The following MYO5C variants were observed in gnomAD, a reference collection of about 807,000 sequenced individuals.
MYO5C encodes myosin VC.
A neutral mutation model predicts 235.7 loss-of-function variants in MYO5C; 194 were observed. The ratio of observed to expected loss-of-function variants is 0.82; its 90% confidence interval spans 0.73 to 0.93. The LOEUF is 0.93. Among genes scored for constraint, MYO5C ranks in the 40% least tolerant of loss-of-function variants. The probability of loss-of-function intolerance (pLI) is 0.00; values close to 1 mark genes in which losing one functional copy is unlikely to be tolerated. For missense variants in MYO5C, 2,038 were observed against 2,127.2 expected (o/e 0.96, Z 0.82); for synonymous variants, 707 against 754.8 (o/e 0.94, Z 1.04).
chr15:52,233,965 A>G (rs1360673723), intron 23 of MYO5C, among the ~76,000 whole-genome samples: 1 of 152,232 alleles, frequency 6.6e-6, no homozygotes, highest in Admixed American at 6.5e-5. Flanking sequence ...CATAGTGCCA[A>G]ATGTTTCTGA....
At chr15:52,266,371 AG>A (rs2036811814) in intron 8 of MYO5C, among the ~76,000 whole-genome samples, 1 of 152,192 alleles carries the variant, frequency 6.6e-6, no homozygotes, top group Non-Finnish European at 1.5e-5. Context: ...CTCAAATGGC[AG>A]GGGTCAGTGG....
At chr15:52,281,410 AG>A in intron 2 of MYO5C, among the ~76,000 whole-genome samples, 1 of 152,362 alleles carries the variant, frequency 6.6e-6, no homozygotes, top group Admixed American at 6.5e-5. Flanking sequence ...ATATTACCAA[AG>A]CAGCAAACTG....
At chr15:52,198,768 G>T (rs1019163599) in intron 38 of MYO5C, among the ~76,000 whole-genome samples, 1 of 152,072 alleles carries the variant, frequency 6.6e-6, no homozygotes, top group Admixed American at 6.6e-5. Context: ...TTTTAGTAGA[G>T]ATGGGGTTTC....
In MYO5C at chr15:52,213,256, T is replaced by C. The variant is rs770142692; in HGVS notation, c.4073A>G (p.Lys1358Arg). ...GTATTGCAGCATTCCAAGGTACTCCTTGGGTCCTGAGGACGAGTGCACATC... is the reference window on the plus strand; with the variant it reads ...GTATTGCAGCATTCCAAGGTACTCCCTGGGTCCTGAGGACGAGTGCACATC... Reference protein sequence around the residue: ...ANDVHSSSGPKEYLGMLQYKR... With the variant: ...ANDVHSSSGPREYLGMLQYKR... Residue 1358 changes from lysine to arginine, a missense_variant, in exon 34 of 41, where the codon AAG (lysine) becomes AGG (arginine). Physicochemically the swap from Lys to Arg is conservative, Grantham distance 26. Transcript: ENST00000261839. The C allele has an allele frequency of 1.2e-6, 2 of 1,614,050 alleles. No individual in the cohort carries two copies. The highest frequency in any genetic ancestry group is 1.1e-5 in the South Asian group (1 of 91,078).
At chr15:52,244,069 A>G (rs1256301469) in intron 19 of MYO5C, among the ~76,000 whole-genome samples, 2 of 152,118 alleles carry the variant, frequency 1.3e-5, no homozygotes, top group East Asian at 1.9e-4. Flanking sequence ...CCTCTCCCTG[A>G]GCTTCCGGAA....
At chr15:52,219,929 C>T (rs541543678) in intron 30 of MYO5C, 107 bp from the exon 31 acceptor site, 38 of 772,552 alleles carry the variant, frequency 4.9e-5, no homozygotes, top group African/African-American at 1.6e-4. Flanking sequence ...TAGGGGTGTC[C>T]GATCTTTTGG....
Position 52,295,676 on chromosome 15 carries a change from T to TTCG in MYO5C, c.-41_-40insCGA. On this transcript the variant is annotated 5_prime_UTR_variant, in exon 1 of 41. Coordinates refer to ENST00000261839, the MANE Select transcript of MYO5C (RefSeq NM_018728.4). Reference sequence around the variant, plus strand: ...GGGGCCAGGCCGGGGCTGCCGAACGTGCGAGGCTCGGGGGCTGGGCCTGCG... The same window carrying TTCG: ...GGGGCCAGGCCGGGGCTGCCGAACGTTCGGCGAGGCTCGGGGGCTGGGCCTGCG... 7.3e-7 allele frequency: 1 copy of TTCG among 1,372,006 alleles called. No individual in the cohort carries two copies. The highest frequency in any genetic ancestry group is 9.5e-7 in the Non-Finnish European group (1 of 1,055,768). The allele number at this position is 1,372,006 out of a possible 1,614,324, so 85.0% of individuals were successfully genotyped here. A position where few individuals can be genotyped will look rare whatever the true frequency, so the allele number is the denominator to read the frequency against.
At chr15:52,206,876 G>A (rs1453679383) in intron 36 of MYO5C, among the ~76,000 whole-genome samples, 1 of 152,240 alleles carries the variant, frequency 6.6e-6, no homozygotes, top group Non-Finnish European at 1.5e-5. Flanking sequence ...GCTTACGCCT[G>A]TAATCCAGCA....
At chr15:52,291,743 T>TTTTGTTTTGTTTTG (rs1485132477) in intron 1 of MYO5C, among the ~76,000 whole-genome samples, 16 of 93,860 alleles carry the variant, frequency 1.7e-4, no homozygotes, top group East Asian at 6.7e-4. Context: ...TTTTTTTTTT[T>TTTTGTTTTGTTTTG]TTTTTTTTTT....
rs774715357 is a variant in MYO5C at position 52,195,470 on chromosome 15, C to T, written c.4996-13G>A. The T allele has an allele frequency of 6.6e-5, 105 of 1,580,242 alleles. 5 individuals carry two copies. The South Asian group carries it at 1.1e-3, about 17-fold the overall frequency. On this transcript the variant is annotated splice_polypyrimidine_tract_variant and intron_variant, in intron 39 of 40. Transcript: ENST00000261839. ...GGATCTTTATGATCTGCAAACGGTACATAACATGGTGTTAGACCATGCAAA... is the reference window on the plus strand; with the variant it reads ...GGATCTTTATGATCTGCAAACGGTATATAACATGGTGTTAGACCATGCAAA...
chr15:52,256,026 T>C (rs1566981739), intron 11 of MYO5C, among the ~76,000 whole-genome samples: 2 of 152,220 alleles, frequency 1.3e-5, no homozygotes, highest in Non-Finnish European at 2.9e-5. Context: ...GGCCATCTGC[T>C]GTTTAGTGCT....
At chr15:52,276,174 G>A (rs2037046313) in intron 4 of MYO5C, among the ~76,000 whole-genome samples, 1 of 152,080 alleles carries the variant, frequency 6.6e-6, no homozygotes, top group Admixed American at 6.6e-5. Flanking sequence ...CCATGTTGAG[G>A]GGCCCCAAGA....
At position 52,195,962 on chromosome 15, in the gene MYO5C, CT is replaced by C. The variant is rs71130140; in HGVS notation, c.4995+346del. Among the ~76,000 whole-genome samples, 353 of 80,860 alleles carry C rather than the reference CT, an allele frequency of 4.4e-3. 1 individual carries two copies. The highest frequency in any genetic ancestry group is 0.021 in the African/African-American group (314 of 15,240). The allele number at this position is 80,860 out of a possible 152,430, so 53.0% of individuals were successfully genotyped here. A position where few individuals can be genotyped will look rare whatever the true frequency, so the allele number is the denominator to read the frequency against. ...CAAAGGTGTGTGCCATCACACCCAGCTTTTTTTTTTTTTTTTTTTTTTTTTT... is the reference window on the plus strand; with the variant it reads ...CAAAGGTGTGTGCCATCACACCCAGCTTTTTTTTTTTTTTTTTTTTTTTTT... On this transcript the variant is annotated intron_variant, in intron 39 of 40. Coordinates refer to ENST00000261839, the MANE Select transcript of MYO5C (RefSeq NM_018728.4).
At chr15:52,244,124 C>T (rs1303337088) in intron 19 of MYO5C, among the ~76,000 whole-genome samples, 1 of 152,164 alleles carries the variant, frequency 6.6e-6, no homozygotes, top group Admixed American at 6.5e-5. Flanking sequence ...TTCCTCCCTG[C>T]AGGGCCCTGG....
intron 25 of MYO5C, among the ~76,000 whole-genome samples, chr15:52,227,538 T>C (rs1170095556): frequency 6.6e-6 from 1 of 151,970 alleles, no homozygotes; most frequent in African/African-American, 2.4e-5. Context: ...TGAACCAGTC[T>C]TAGCTACCAA....
chr15:52,232,106 AAAGAAAAGAAAGAAAG>A (rs2035963436), intron 24 of MYO5C, among the ~76,000 whole-genome samples: 1 of 151,584 alleles, frequency 6.6e-6, no homozygotes, highest in Non-Finnish European at 1.5e-5. Context: ...AGTAAAAAAA[AAAGAAAAGAAAGAAAG>A]AGAAAAGAAA....
rs2036333424 is a variant in MYO5C at position 52,245,982 on chromosome 15, G to T, written c.2040C>A (p.Arg680=). ...TGGAAGGGTAGCTCTGTGCACTAAT[G>T]CGAATCGTTTCTAAAACGCCGCAGG... ...LRACGVLETI[R]ISAQSYPSRW... is the part of the protein sequence containing the mutation. The change falls in exon 17 of 41, where the codon CGC becomes CGA. Residue 680 remains arginine (R), a synonymous_variant. Coordinates refer to ENST00000261839, the MANE Select transcript of MYO5C (RefSeq NM_018728.4). The T allele has an allele frequency of 1.2e-6, 2 of 1,614,184 alleles. No individual in the cohort carries two copies. Among genetic ancestry groups the T allele is most frequent in the Non-Finnish European group, 1.7e-6 (2 of 1,180,006 alleles).
chr15:52,287,100 GT>G, intron 1 of MYO5C, among the ~76,000 whole-genome samples: 1 of 152,032 alleles, frequency 6.6e-6, no homozygotes. Flanking sequence ...AAACAGAAAA[GT>G]CACTGGATGG....
At chr15:52,256,986 T>C (rs919026142) in intron 10 of MYO5C, 4 of 343,082 alleles carry the variant, frequency 1.2e-5, no homozygotes, top group African/African-American at 6.2e-5. Context: ...CCATATGGTG[T>C]AGTCCGCACA....
Sources: gnomAD v4.1 joint callset for allele counts (sites outside exome capture counted in the v4.1 genomes callset) on GRCh38, gnomAD v4.1.1 for gene constraint, MANE v1.5 for transcripts, NCBI Gene and HGNC (gene_info 2026-07-23, HGNC 2026-07-21) for gene names.